Variants in QTMAN observed in about 807,000 individuals in gnomAD.
QTMAN encodes the protein queuosine-tRNA mannosyltransferase.
At chr2:143,954,992 C>T in the QTMAN span, among the ~76,000 whole-genome samples, 5 of 152,102 alleles carry the variant, frequency 3.3e-5, no homozygotes, top group Admixed American at 1.3e-4. Flanking sequence ...GCTTTTGATT[C>T]TAAATATAAT....
the QTMAN span, among the ~76,000 whole-genome samples, chr2:144,027,530 A>T: frequency 6.6e-6 from 1 of 152,226 alleles, no homozygotes; most frequent in Non-Finnish European, 1.5e-5. Context: ...AAGAGGGAAG[A>T]AGTTCTGGGA....
chr2:143,994,416 G>A, the QTMAN span, among the ~76,000 whole-genome samples: 1 of 152,032 alleles, frequency 6.6e-6, no homozygotes, highest in African/African-American at 2.4e-5. Flanking sequence ...GAAAATATAT[G>A]TCCACATAAA....
the QTMAN span, among the ~76,000 whole-genome samples, chr2:144,046,074 G>C: frequency 6.6e-6 from 1 of 152,304 alleles, no homozygotes; most frequent in South Asian, 2.1e-4. Flanking sequence ...CTGTCCTCTA[G>C]AGTTACATAA....
At chr2:144,166,914 T>C in the QTMAN span, among the ~76,000 whole-genome samples, 25 of 152,286 alleles carry the variant, frequency 1.6e-4, no homozygotes, top group African/African-American at 5.3e-4. Context: ...CACATGTGAC[T>C]GTGCCTCTTC....
At chr2:144,109,198 A>T in the QTMAN span, among the ~76,000 whole-genome samples, 1 of 152,158 alleles carries the variant, frequency 6.6e-6, no homozygotes, top group Admixed American at 6.5e-5. Flanking sequence ...AAAACAGAGA[A>T]ATAGACCAAT....
At chr2:144,300,954 G>C in the QTMAN span, among the ~76,000 whole-genome samples, 1 of 152,008 alleles carries the variant, frequency 6.6e-6, no homozygotes, top group South Asian at 2.1e-4. Context: ...ATATCTGCAA[G>C]TTTTTACTCT....
the QTMAN span, chr2:143,947,094 T>A: frequency 6.2e-7 from 1 of 1,613,902 alleles, no homozygotes; most frequent in Non-Finnish European, 8.5e-7. Context: ...GAGACCTGAA[T>A]TTACCATGTA....
chr2:144,016,989 T>C, the QTMAN span, among the ~76,000 whole-genome samples: 1 of 152,052 alleles, frequency 6.6e-6, no homozygotes, highest in African/African-American at 2.4e-5. Flanking sequence ...GTATGTGAAC[T>C]TTATTCTAAA....
chr2:144,096,043 C>A, the QTMAN span, among the ~76,000 whole-genome samples: 4 of 152,180 alleles, frequency 2.6e-5, no homozygotes, highest in Admixed American at 1.3e-4. Context: ...AAGATACTCT[C>A]TAAAACAAAC....
chr2:144,231,885 TG>T, the QTMAN span, among the ~76,000 whole-genome samples: 1 of 144,410 alleles, frequency 6.9e-6, no homozygotes, highest in Non-Finnish European at 1.5e-5. Context: ...TGTGTGTGTG[TG>T]TGTGTGTTAT....
At chr2:144,252,241 GAC>G in the QTMAN span, among the ~76,000 whole-genome samples, 1,564 of 152,098 alleles carry the variant, frequency 0.01, 21 homozygotes, top group African/African-American at 0.036. Context: ...CAAGCACAAT[GAC>G]ACACACCTGT....
At chr2:144,263,672 G>A in the QTMAN span, among the ~76,000 whole-genome samples, 1 of 152,156 alleles carries the variant, frequency 6.6e-6, no homozygotes, top group Admixed American at 6.5e-5. Context: ...GCAGTGAGCC[G>A]AGATTGTGCC....
chr2:144,106,021 G>A, the QTMAN span, among the ~76,000 whole-genome samples: 1 of 152,086 alleles, frequency 6.6e-6, no homozygotes, highest in Non-Finnish European at 1.5e-5. Flanking sequence ...CATAAGTGAA[G>A]GAGAAATAAA....
At chr2:144,280,800 C>T in the QTMAN span, among the ~76,000 whole-genome samples, 2 of 151,554 alleles carry the variant, frequency 1.3e-5, no homozygotes, top group Non-Finnish European at 2.9e-5. Context: ...GAAGGAAAAC[C>T]TTAAATGATC....
chr2:144,063,370 A>C, the QTMAN span, among the ~76,000 whole-genome samples: 1 of 152,176 alleles, frequency 6.6e-6, no homozygotes, highest in African/African-American at 2.4e-5. Flanking sequence ...GTCACTTGCA[A>C]CTTTCTATCA....
At chr2:144,039,582 A>T in the QTMAN span, among the ~76,000 whole-genome samples, 1 of 152,202 alleles carries the variant, frequency 6.6e-6, no homozygotes, top group South Asian at 2.1e-4. Context: ...GTAATGGAAG[A>T]TAAAAATGCA....
chr2:144,166,018 G>A, the QTMAN span, among the ~76,000 whole-genome samples: 1 of 150,898 alleles, frequency 6.6e-6, no homozygotes, highest in Non-Finnish European at 1.5e-5. Context: ...GATCTGGCCA[G>A]GTCACTCTCC....
chr2:144,142,335 T>C, the QTMAN span, among the ~76,000 whole-genome samples: 1 of 151,884 alleles, frequency 6.6e-6, no homozygotes, highest in Non-Finnish European at 1.5e-5. Flanking sequence ...CCAAAGCATA[T>C]TTTTCCACAA....
the QTMAN span, chr2:143,944,218 G>T: frequency 6.6e-6 from 1 of 151,686 alleles, no homozygotes; most frequent in East Asian, 1.9e-4. Context: ...CGTGGGTGTT[G>T]AGAAGCATGA....
Sources: gnomAD v4.1 joint callset for allele counts (sites outside exome capture counted in the v4.1 genomes callset) on GRCh38, gnomAD v4.1.1 for gene constraint, MANE v1.5 for transcripts, NCBI Gene and HGNC (gene_info 2026-07-23, HGNC 2026-07-21) for gene names.